VWA5B1: variants seen among roughly 807,000 people sequenced by gnomAD.
The protein encoded by VWA5B1 is von Willebrand factor A domain containing 5B1, also known as von Willebrand factor A domain-containing protein 5B1.
VWA5B1 carries 115 observed loss-of-function variants against 118.2 expected under a neutral mutation model. The ratio of observed to expected loss-of-function variants is 0.97; its 90% CI spans 0.84 to 1.14. The LOEUF (loss-of-function observed/expected upper bound fraction) is 1.14. Ranked by LOEUF, VWA5B1 falls within the 50% of genes most tolerant of loss-of-function variation. VWA5B1 has a pLI of 0.00. For synonymous variants in VWA5B1, 682 were observed against 658.4 expected (o/e 1.04, Z -0.55); for missense variants, 1,596 against 1,603.8 (o/e 1.00, Z 0.08).
chr1:20,350,020 C>T (rs575078631), intron 18 of VWA5B1, 136 bp from the exon 19 acceptor site: 70 of 804,050 alleles, frequency 8.7e-5, no homozygotes, highest in Non-Finnish European at 1.1e-4. Context: ...AAGGCCCATC[C>T]GAGCAGGGGT....
rs549453473 is a variant in VWA5B1 at position 20,351,026 on chromosome 1, G to A, written c.3023+100G>A. ...ACTTGGAAGGCCAAAGACAGGTTCA[G>A]CCTGACATTTAGGCAGGTGTCGTAA... is the stretch of plus-strand genomic sequence containing the variant. On this transcript the variant is annotated intron_variant, in intron 20 of 21. Coordinates refer to ENST00000289815, the MANE Select transcript of VWA5B1 (RefSeq NM_001039500.3). 9 of 1,205,620 alleles carry A rather than the reference G, an allele frequency of 7.5e-6. No individual in the cohort carries two copies. The African/African-American group carries it at 1.2e-4, about 16-fold the overall frequency. 74.7% of individuals were successfully genotyped at this position (1,205,620 alleles called of 1,614,324 possible).
intron 7 of VWA5B1, among the ~76,000 whole-genome samples, 162 bp downstream of exon 7, chr1:20,319,668 G>A (rs1165381359): frequency 1.3e-5 from 2 of 152,162 alleles, no homozygotes; most frequent in Non-Finnish European, 2.9e-5. Context: ...TGGGCCCCCG[G>A]GCACTGCAGG....
At position 20,357,938 on chromosome 1, in the gene VWA5B1, T is replaced by C. The variant is rs1156982085; in HGVS notation, c.*3675T>C. On this transcript the variant is annotated 3_prime_UTR_variant, in exon 22 of 22. Transcript: ENST00000289815. ...TGTCCAGGTGGAGCAGGAATGTCCC[T>C]GCAACAGAGTGCCCCGAGGGCCCAA... Among the ~76,000 whole-genome samples, 2 of 152,184 alleles carry C rather than the reference T, an allele frequency of 1.3e-5. No individual in the cohort carries two copies. Among genetic ancestry groups the C allele is most frequent in the Non-Finnish European group, 2.9e-5 (2 of 68,040 alleles).
At chr1:20,300,157 G>A (rs1194037660) in intron 1 of VWA5B1, among the ~76,000 whole-genome samples, 1 of 152,190 alleles carries the variant, frequency 6.6e-6, no homozygotes, top group Non-Finnish European at 1.5e-5. Context: ...TGCAAAGTGA[G>A]GATGAGCTGC....
At chr1:20,295,327 G>A (rs1030251602) in intron 1 of VWA5B1, among the ~76,000 whole-genome samples, 2 of 152,096 alleles carry the variant, frequency 1.3e-5, no homozygotes, top group Admixed American at 6.6e-5. Flanking sequence ...ATTGTGGGGC[G>A]GAGCTGAATT....
intron 16 of VWA5B1, among the ~76,000 whole-genome samples, chr1:20,344,389 G>T (rs913846632): frequency 6.6e-6 from 1 of 152,156 alleles, no homozygotes; most frequent in African/African-American, 2.4e-5. Flanking sequence ...TCTGCTGGGG[G>T]CCAGGCTCCC....
intron 1 of VWA5B1, among the ~76,000 whole-genome samples, chr1:20,296,158 C>T (rs537982734): frequency 1.3e-5 from 2 of 152,288 alleles, no homozygotes; most frequent in African/African-American, 4.8e-5. Context: ...CCACCATGCC[C>T]GGCCAAGGTT....
chr1:20,326,432 A>G (rs2089383027), intron 8 of VWA5B1, among the ~76,000 whole-genome samples: 1 of 152,116 alleles, frequency 6.6e-6, no homozygotes, highest in Non-Finnish European at 1.5e-5. Context: ...CAGAGCCAAC[A>G]TGAATAAAAA....
intron 17 of VWA5B1, among the ~76,000 whole-genome samples, chr1:20,346,799 C>T (rs2101005069): frequency 6.6e-6 from 1 of 152,266 alleles, no homozygotes; most frequent in Non-Finnish European, 1.5e-5. Context: ...GTCACCCCTC[C>T]CCTGCTTTTT....
chr1:20,352,584 G>A (rs2090151217), intron 21 of VWA5B1, among the ~76,000 whole-genome samples: 1 of 152,170 alleles, frequency 6.6e-6, no homozygotes, highest in Non-Finnish European at 1.5e-5. Flanking sequence ...ACTGTGTTTA[G>A]CAACTGGGTC....
rs1202864804 is a variant in VWA5B1 at position 20,355,849 on chromosome 1, C to T, written c.*1586C>T. Among the ~76,000 whole-genome samples the T allele has an allele frequency of 6.7e-6, 1 of 150,020 alleles. No individual in the cohort carries two copies. Among genetic ancestry groups the T allele is most frequent in the Admixed American group, 6.6e-5 (1 of 15,086 alleles). ...CCACAAGTCTCCCGCGAGGGATTCT[C>T]ACAGCCCTTTTGAATACTTAAGATG... On this transcript the variant is annotated 3_prime_UTR_variant, in exon 22 of 22. Coordinates refer to ENST00000289815, the MANE Select transcript of VWA5B1 (RefSeq NM_001039500.3).
At chr1:20,346,087 G>A (rs552572878) in intron 17 of VWA5B1, among the ~76,000 whole-genome samples, 13 of 152,264 alleles carry the variant, frequency 8.5e-5, no homozygotes, top group African/African-American at 2.2e-4. Flanking sequence ...AAATATGGGC[G>A]TGGAAAGTGC....
chr1:20,350,037 C>A, intron 18 of VWA5B1, 119 bp from the exon 19 acceptor site: 1 of 1,015,994 alleles, frequency 9.8e-7, no homozygotes, highest in Non-Finnish European at 1.5e-6. Flanking sequence ...GGGTGGAAAC[C>A]CTAGCCTTGT....
Position 20,330,380 on chromosome 1 carries a change from C to T in VWA5B1, c.1455C>T (p.Thr485=). The change falls in exon 10 of 22, where the codon ACC becomes ACT. Residue 485 remains threonine, a splice_region_variant and synonymous_variant. Coordinates refer to ENST00000289815, the MANE Select transcript of VWA5B1 (RefSeq NM_001039500.3). Reference sequence around the variant, plus strand: ...TGGTGCGAAATCACGCCTTCTCCACCAGGTCGGCCTTGGCTGAGGGTCTAG... The same window carrying T: ...TGGTGCGAAATCACGCCTTCTCCACTAGGTCGGCCTTGGCTGAGGGTCTAG... The part of the protein sequence containing the change: ...LELVRNHAFS[T]RCYSFGIGPN... 1 of 1,551,640 alleles carries T rather than the reference C, an allele frequency of 6.4e-7. No homozygotes were observed. The highest frequency in any genetic ancestry group is 2.4e-5 in the East Asian group (1 of 40,912).
intron 4 of VWA5B1, among the ~76,000 whole-genome samples, chr1:20,316,830 G>A (rs764178004): frequency 3.3e-5 from 5 of 152,128 alleles, no homozygotes; most frequent in Admixed American, 1.3e-4. Context: ...GTGGCGTGAC[G>A]CAGTACAAAC....
intron 1 of VWA5B1, among the ~76,000 whole-genome samples, chr1:20,305,413 G>A (rs569806226): frequency 2.6e-5 from 4 of 152,300 alleles, no homozygotes; most frequent in Admixed American, 6.5e-5. Context: ...AACAGAGGAA[G>A]TCATGAGCCA....
chr1:20,352,896 T>C (rs990548914), intron 21 of VWA5B1, among the ~76,000 whole-genome samples: 8 of 152,296 alleles, frequency 5.3e-5, no homozygotes, highest in East Asian at 3.9e-4. Flanking sequence ...AGAGACAACA[T>C]TGAACTAGAC....
At position 20,297,219 on chromosome 1, in the gene VWA5B1, C is replaced by A. The variant is rs543462398; in HGVS notation, c.-27+6131C>A. ...TGCTCAAAGACCCAAACATTCATGG[C>A]TGTACTAGCCAATTAGATTAGGCTA... is the stretch of plus-strand genomic sequence containing the variant. On this transcript the variant is annotated intron_variant, in intron 1 of 21. Transcript: ENST00000289815. Among the ~76,000 whole-genome samples the A allele has an allele frequency of 3.3e-5, 5 of 152,340 alleles. No individual in the cohort carries two copies. The East Asian group carries it at 5.8e-4, about 18-fold the overall frequency.
At chr1:20,317,005 A>G (rs1161717074) in intron 4 of VWA5B1, among the ~76,000 whole-genome samples, 1 of 151,520 alleles carries the variant, frequency 6.6e-6, no homozygotes, top group Non-Finnish European at 1.5e-5. Context: ...AAAACAAAAA[A>G]ATGAGCCGTG....
Sources: gnomAD v4.1 joint callset for allele counts (sites outside exome capture counted in the v4.1 genomes callset) on GRCh38, gnomAD v4.1.1 for gene constraint, MANE v1.5 for transcripts, NCBI Gene and HGNC (gene_info 2026-07-23, HGNC 2026-07-21) for gene names.